Variants in ESRP1 observed in about 807,000 individuals in gnomAD.
ESRP1 encodes RNA-binding motif protein 35A.
A neutral mutation model predicts 81.7 loss-of-function variants in ESRP1; 33 were observed. The ratio of observed to expected loss-of-function variants is 0.40; its 90% CI spans 0.31 to 0.54. The LOEUF (loss-of-function observed/expected upper bound fraction) is 0.54. ESRP1 is among the 20% of genes least tolerant of loss of function. The pLI, the probability that ESRP1 is intolerant of heterozygous loss-of-function variation, is 0.41. For missense variants in ESRP1, 672 were observed against 833.1 expected (o/e 0.81, Z 2.38); for synonymous variants, 320 against 303.3 (o/e 1.06, Z -0.57).
At chr8:94,646,042 T>G (rs3824131) in intron 3 of ESRP1, 126 bp from the exon 4 acceptor site, 1 of 549,724 alleles carries the variant, frequency 1.8e-6, no homozygotes, top group Non-Finnish European at 3.2e-6. Context: ...TAAATCTACT[T>G]TTACATTAAA....
Position 94,678,253 on chromosome 8 carries a change from A to G in ESRP1, c.1702A>G (p.Thr568Ala), listed in dbSNP as rs371112232. The change falls in exon 13 of 16, where the codon ACA (threonine) becomes GCA (alanine). Residue 568 changes from threonine to alanine, a missense_variant. Transcript: ENST00000433389. ...TCCAGCTCCTGCTGCAGTTATTCCT[A>G]CAGAAGCTGCCATTTACCAGCCCTC... ...TFPAPAAVIPTEAAIYQPSVI... is the reference protein window; with the variant it reads ...TFPAPAAVIPAEAAIYQPSVI... 33 of 1,613,746 alleles carry G rather than the reference A, an allele frequency of 2.0e-5. No individual in the cohort carries two copies. The highest frequency in any genetic ancestry group is 2.7e-5 in the African/African-American group (2 of 74,870).
chr8:94,667,754 A>C (rs998325636), intron 9 of ESRP1, among the ~76,000 whole-genome samples, 195 bp from the exon 10 acceptor site: 12 of 152,200 alleles, frequency 7.9e-5, no homozygotes, highest in Admixed American at 2.0e-4. Flanking sequence ...TAAATTAAGA[A>C]GGATGTTTTA....
chr8:94,677,747 A>G (rs768986658), intron 12 of ESRP1, among the ~76,000 whole-genome samples: 1 of 152,232 alleles, frequency 6.6e-6, no homozygotes, highest in African/African-American at 2.4e-5. Flanking sequence ...GAGGTTTATC[A>G]TAACACTTCT....
intron 11 of ESRP1, among the ~76,000 whole-genome samples, chr8:94,673,648 G>T (rs902273425): frequency 6.6e-6 from 1 of 152,226 alleles, no homozygotes; most frequent in African/African-American, 2.4e-5. Context: ...AATAGAAAAT[G>T]TCTGTTAGTA....
In ESRP1 at chr8:94,706,911, A is replaced by G. The variant is rs1385727456; in HGVS notation, c.*1022A>G. On this transcript the variant is annotated 3_prime_UTR_variant, in exon 16 of 16. Transcript: ENST00000433389. ...TAATTATAACCTTTTAAAGCATAGGACTATAGTCAGCATGCTAGACTGAGA... is the reference window on the plus strand; with the variant it reads ...TAATTATAACCTTTTAAAGCATAGGGCTATAGTCAGCATGCTAGACTGAGA... 1 of 152,252 alleles carries G rather than the reference A, an allele frequency of 6.6e-6. No individual in the cohort carries two copies. Among genetic ancestry groups the G allele is most frequent in the Non-Finnish European group, 1.5e-5 (1 of 68,042 alleles). The allele number at this position is 152,252 out of a possible 1,614,324, so 9.4% of individuals were successfully genotyped here.
chr8:94,674,625 GCT>G (rs1819502249), intron 12 of ESRP1, 119 bp downstream of exon 12: 1 of 829,750 alleles, frequency 1.2e-6, no homozygotes, highest in Admixed American at 3.0e-5. Flanking sequence ...GTTATATAAG[GCT>G]CTCCCATCTG....
intron 4 of ESRP1, among the ~76,000 whole-genome samples, chr8:94,660,170 G>C (rs566593767): frequency 6.6e-6 from 1 of 152,116 alleles, no homozygotes; most frequent in Non-Finnish European, 1.5e-5. Context: ...ATGCCATCCT[G>C]GACTAACATA....
At chr8:94,656,412 G>A (rs1010272953) in intron 4 of ESRP1, among the ~76,000 whole-genome samples, 4 of 119,216 alleles carry the variant, frequency 3.4e-5, no homozygotes, top group Non-Finnish European at 6.4e-5. Context: ...AGTAGAGACG[G>A]GGGTTTCACC....
intron 15 of ESRP1, among the ~76,000 whole-genome samples, chr8:94,699,352 C>T (rs1397856173): frequency 6.6e-6 from 1 of 152,068 alleles, no homozygotes; most frequent in Non-Finnish European, 1.5e-5. Context: ...TTTAAAAATA[C>T]AGATCTGGCT....
intron 4 of ESRP1, among the ~76,000 whole-genome samples, chr8:94,656,813 A>G (rs946126885): frequency 7.2e-5 from 11 of 152,184 alleles, no homozygotes; most frequent in African/African-American, 2.7e-4. Flanking sequence ...AATAGTTTAA[A>G]CTTGTCTGAG....
In ESRP1 at chr8:94,678,321, C is replaced by T. The variant is rs1062993; in HGVS notation, c.1770C>T (p.Tyr590=). Residue 590 remains tyrosine, a synonymous_variant, in exon 13 of 16, where the codon TAC becomes TAT. Transcript: ENST00000433389. ...GAGCACTGCAGCCCTCCACAGCGTACTACCCAGCAGGCACTCAGCTCTTCA... is the reference window on the plus strand; with the variant it reads ...GAGCACTGCAGCCCTCCACAGCGTATTACCCAGCAGGCACTCAGCTCTTCA... ...NPRALQPSTA[Y]YPAGTQLFMN... is the part of the protein sequence containing the mutation. The T allele has an allele frequency of 2.5e-6, 4 of 1,614,022 alleles. No homozygotes were observed. The highest frequency in any genetic ancestry group is 4.5e-5 in the East Asian group (2 of 44,890).
chr8:94,679,347 T>C (rs1808775348), intron 13 of ESRP1, among the ~76,000 whole-genome samples: 1 of 152,234 alleles, frequency 6.6e-6, no homozygotes, highest in African/African-American at 2.4e-5. Flanking sequence ...TAACTGTTCA[T>C]GATGGAATAC....
intron 13 of ESRP1, among the ~76,000 whole-genome samples, chr8:94,686,017 G>A (rs1449161566): frequency 2.6e-5 from 4 of 152,018 alleles, no homozygotes; most frequent in African/African-American, 9.7e-5. Flanking sequence ...GTGCAATCTC[G>A]GCTCACTGCA....
chr8:94,664,656 T>C, intron 6 of ESRP1, 41 bp from the exon 7 acceptor site: 1 of 1,475,980 alleles, frequency 6.8e-7, no homozygotes, highest in Admixed American at 1.7e-5. Context: ...TCTGACTTGC[T>C]AGCATTTATC....
rs527498016 is a variant in ESRP1 at position 94,697,697 on chromosome 8, T to C, written c.*35+736T>C. Among the ~76,000 whole-genome samples the C allele has an allele frequency of 5.9e-5, 9 of 152,362 alleles. No homozygotes were observed. The East Asian group carries it at 9.6e-4, about 16-fold the overall frequency. On this transcript the variant is annotated intron_variant, in intron 15 of 15. Coordinates refer to ENST00000433389, the MANE Select transcript of ESRP1 (RefSeq NM_017697.4). ...TTGAATATCTGTTTTTAATTATCTT[T>C]GGTGTGTACCCAGGAGTATAATCAC...
chr8:94,667,046 T>C (rs1232195937), intron 9 of ESRP1, among the ~76,000 whole-genome samples: 1 of 126,888 alleles, frequency 7.9e-6, no homozygotes, highest in African/African-American at 3.4e-5. Context: ...CTACTAATAA[T>C]ACACAAATTA....
intron 11 of ESRP1, among the ~76,000 whole-genome samples, chr8:94,674,051 T>C (rs2241505): frequency 0.46 from 70,673 of 152,016 alleles, 19,497 homozygotes; most frequent in South Asian, 0.68. Context: ...GTAAATCTGA[T>C]ACTAATTAAC....
chr8:94,691,289 CACAA>C (rs1198327329), intron 13 of ESRP1, among the ~76,000 whole-genome samples: 1 of 152,018 alleles, frequency 6.6e-6, no homozygotes, highest in Admixed American at 6.5e-5. Flanking sequence ...AACAAAAAAA[CACAA>C]AAACTCCCCT....
At chr8:94,649,505 T>G (rs1459654285) in intron 4 of ESRP1, 1 of 152,068 alleles carries the variant, frequency 6.6e-6, no homozygotes, top group African/African-American at 2.4e-5. Context: ...TCTCAACTTT[T>G]TATTATTATT....
Sources: gnomAD v4.1 joint callset for allele counts (sites outside exome capture counted in the v4.1 genomes callset) on GRCh38, gnomAD v4.1.1 for gene constraint, MANE v1.5 for transcripts, NCBI Gene and HGNC (gene_info 2026-07-23, HGNC 2026-07-21) for gene names.